IKBKB: variants seen among roughly 807,000 people sequenced by gnomAD.
The protein encoded by IKBKB is inhibitor of nuclear factor kappa B kinase subunit beta.
Under a neutral mutation model 113.6 loss-of-function variants are expected in IKBKB, and 42 were observed. That is an observed-to-expected ratio of 0.37 (90% CI 0.29 to 0.48). IKBKB has a LOEUF of 0.48. Ranked by LOEUF, IKBKB falls within the 20% of genes least tolerant of loss-of-function variation. IKBKB has a pLI of 0.99. For missense variants in IKBKB, 673 were observed against 939.7 expected (o/e 0.72, Z 3.71); for synonymous variants, 296 against 361.3 (o/e 0.82, Z 2.05).
At chr8:42,308,814 G>A in intron 7 of IKBKB, 87 bp from the exon 8 acceptor site, 4 of 1,326,950 alleles carry the variant, frequency 3.0e-6, no homozygotes, top group Non-Finnish European at 3.2e-6. Flanking sequence ...TGAAGCCAGG[G>A]GTGAAAGCAG....
intron 11 of IKBKB, 101 bp downstream of exon 11, chr8:42,317,005 T>C (rs758930535): frequency 2.6e-6 from 3 of 1,136,764 alleles, no homozygotes; most frequent in Non-Finnish European, 3.9e-6. Flanking sequence ...TCATGTAGTC[T>C]GTTAATCACA....
At chr8:42,284,981 C>T (rs1418086708) in intron 2 of IKBKB, among the ~76,000 whole-genome samples, 6 of 151,268 alleles carry the variant, frequency 4.0e-5, no homozygotes, top group South Asian at 2.1e-4. Context: ...CTCAGTCTCC[C>T]GAGTAGCTAG....
intron 5 of IKBKB, among the ~76,000 whole-genome samples, chr8:42,295,821 A>G (rs546265338): frequency 2.7e-4 from 41 of 152,072 alleles, no homozygotes; most frequent in Admixed American, 7.2e-4. Context: ...TATTCACAGA[A>G]CCTCTCTGGT....
rs1347796965 is a variant in IKBKB, at chr8:42,318,978, CT to C, written c.1365-291del. 5.6e-6 allele frequency: 3 copies of C among 537,756 alleles called. No homozygotes were observed. In the African/African-American group the frequency reaches 5.7e-5, roughly 10 times the overall value. 33.3% of individuals were successfully genotyped at this position (537,756 alleles called of 1,614,324 possible). On this transcript the variant is annotated intron_variant, in intron 13 of 21. Transcript: ENST00000520810. The stretch of plus-strand genomic sequence containing the variant: ...TACCATGTGGATTAGCAAAACTCCC[CT>C]GACCGTGCTGCTGGGGACTTACGGA...
chr8:42,331,691 T>A lies in IKBKB; in HGVS notation c.*712T>A. The A allele has an allele frequency of 2.1e-6, 1 of 467,460 alleles. No homozygotes were observed. Among genetic ancestry groups the A allele is most frequent in the Non-Finnish European group, 3.9e-6 (1 of 256,152 alleles). The allele number at this position is 467,460 out of a possible 1,614,324, so 29.0% of individuals were successfully genotyped here. ...TGTGGTCCTTTCTGCCAAGAGCGACTCATAGTAACCAGGATGGGAGAGCAG... is the reference window on the plus strand; with the variant it reads ...TGTGGTCCTTTCTGCCAAGAGCGACACATAGTAACCAGGATGGGAGAGCAG... On this transcript the variant is annotated 3_prime_UTR_variant, in exon 22 of 22. Coordinates refer to ENST00000520810, the MANE Select transcript of IKBKB (RefSeq NM_001556.3).
intron 5 of IKBKB, among the ~76,000 whole-genome samples, chr8:42,301,780 C>T (rs764413983): frequency 3.3e-5 from 5 of 152,196 alleles, no homozygotes; most frequent in Non-Finnish European, 7.3e-5. Flanking sequence ...CTCTAATCCA[C>T]GTGGCGTAGA....
chr8:42,294,922 CTG>C (rs368864341), intron 5 of IKBKB, among the ~76,000 whole-genome samples: 24 of 152,218 alleles, frequency 1.6e-4, no homozygotes, highest in African/African-American at 2.9e-4. Flanking sequence ...CATTTGTTCT[CTG>C]TTGAATTGGG....
Position 42,319,407 on chromosome 8 carries a change from C to T in IKBKB, c.1502C>T (p.Thr501Ile), listed in dbSNP as rs1233879430. The change falls in exon 14 of 22, where the codon ACC becomes ATC. Residue 501 changes from threonine to isoleucine, a missense_variant. Around this residue, in one of 2 missense-constraint regions of IKBKB, gnomAD observed 506 missense variants for 638.7 expected, o/e 0.79. Transcript: ENST00000520810. ...GACCTGGAGAAGTACAGCGAGCAAA[C>T]CGAGTTTGGGATCAGTGAGTGTGCA... ...QIDLEKYSEQ[T>I]EFGITSDKLL... 1 of 1,614,150 alleles carries T rather than the reference C, an allele frequency of 6.2e-7. No homozygotes were observed. Among genetic ancestry groups the T allele is most frequent in the Non-Finnish European group, 8.5e-7 (1 of 1,180,018 alleles).
chr8:42,298,529 T>C, intron 5 of IKBKB: 1 of 948,632 alleles, frequency 1.1e-6, no homozygotes, highest in South Asian at 4.9e-5. Context: ...ACTGGTTCCA[T>C]TGCATGCATC....
chr8:42,280,936 T>C (rs895738489), intron 2 of IKBKB, among the ~76,000 whole-genome samples: 25 of 152,166 alleles, frequency 1.6e-4, no homozygotes, highest in African/African-American at 6.0e-4. Flanking sequence ...TAGGGATTTA[T>C]AGAGCCTGGG....
intron 19 of IKBKB, among the ~76,000 whole-genome samples, chr8:42,324,323 T>C (rs1820319507): frequency 6.6e-6 from 1 of 152,170 alleles, no homozygotes; most frequent in Non-Finnish European, 1.5e-5. Flanking sequence ...GAAGTGCAGC[T>C]GCTCAATCTC....
chr8:42,323,277 G>T (rs999886564), intron 19 of IKBKB, among the ~76,000 whole-genome samples: 8 of 152,246 alleles, frequency 5.3e-5, no homozygotes, highest in South Asian at 2.1e-4. Flanking sequence ...CACCAATTCA[G>T]CCCACCGTCA....
Position 42,331,609 on chromosome 8 carries a change from T to C in IKBKB, c.*630T>C. On this transcript the variant is annotated 3_prime_UTR_variant, in exon 22 of 22. Transcript: ENST00000520810. The stretch of plus-strand genomic sequence containing the variant: ...CTGCTAAAATTGTGTTTTTACCTAC[T>C]ACTTTGGTGGTTGTCCTCTTTTCGG... 1 of 586,246 alleles carries C rather than the reference T, an allele frequency of 1.7e-6. No individual in the cohort carries two copies. Among genetic ancestry groups the C allele is most frequent in the Non-Finnish European group, 3.0e-6 (1 of 328,932 alleles). 36.3% of individuals were successfully genotyped at this position (586,246 alleles called of 1,614,324 possible).
rs1563290444 is a variant in IKBKB, at chr8:42,274,784, G to GCCACCCCCCCCC, written c.105+2580_105+2581insCACCCCCCCCCC. Among the ~76,000 whole-genome samples the GCCACCCCCCCCC allele has an allele frequency of 7.2e-5, 3 of 41,648 alleles. 1 individual carries two copies. Among genetic ancestry groups the GCCACCCCCCCCC allele is most frequent in the Non-Finnish European group, 1.9e-4 (2 of 10,546 alleles). 27.3% of individuals were successfully genotyped at this position (41,648 alleles called of 152,430 possible). ...CTGAACTTAGGTGATCCCCGCCGGCGCGCCCCCCCCCCCCCCCGCCATCCC... is the reference window on the plus strand; with the variant it reads ...CTGAACTTAGGTGATCCCCGCCGGCGCCACCCCCCCCCCGCCCCCCCCCCCCCCCGCCATCCC... On this transcript the variant is annotated intron_variant, in intron 2 of 21. Coordinates refer to ENST00000520810, the MANE Select transcript of IKBKB (RefSeq NM_001556.3).
At chr8:42,300,156 T>G (rs1814874767) in intron 5 of IKBKB, among the ~76,000 whole-genome samples, 1 of 152,244 alleles carries the variant, frequency 6.6e-6, no homozygotes, top group East Asian at 1.9e-4. Flanking sequence ...TTTAGCCAAG[T>G]AACCTTTAGC....
chr8:42,290,680 A>G (rs892911077), intron 4 of IKBKB, among the ~76,000 whole-genome samples: 2 of 152,060 alleles, frequency 1.3e-5, no homozygotes, highest in African/African-American at 4.8e-5. Flanking sequence ...TATTCTAGAG[A>G]TGGGACAGCA....
At position 42,288,613 on chromosome 8, in the gene IKBKB, C is replaced by T. The variant is rs147272047; in HGVS notation, c.106-21C>T. The T allele has an allele frequency of 2.5e-4, 399 of 1,592,984 alleles. No individual in the cohort carries two copies. The African/African-American group carries it at 4.8e-3, about 19-fold the overall frequency. ...TGGCCTGCAGCTCGCTCTGCTGGTC[C>T]CCACTGTGCTGTTTCTGTAGGAAAC... is the stretch of plus-strand genomic sequence containing the variant. On this transcript the variant is annotated intron_variant, in intron 2 of 21. Coordinates refer to ENST00000520810, the MANE Select transcript of IKBKB (RefSeq NM_001556.3).
intron 8 of IKBKB, 94 bp from the exon 9 acceptor site, chr8:42,314,226 TCA>T: frequency 1.1e-6 from 1 of 877,948 alleles, no homozygotes; most frequent in Non-Finnish European, 1.9e-6. Flanking sequence ...TGTGTTATGT[TCA>T]CACAAGGACT....
intron 11 of IKBKB, 158 bp downstream of exon 11, chr8:42,317,062 T>G (rs1818825375): frequency 2.8e-6 from 2 of 726,014 alleles, no homozygotes; most frequent in Non-Finnish European, 4.9e-6. Flanking sequence ...TGGTGTCCTC[T>G]GTGTGGCCTG....
Sources: allele counts gnomAD v4.1 joint callset (sites outside exome capture counted in the v4.1 genomes callset), GRCh38; gene constraint gnomAD v4.1.1; regional missense constraint gnomAD v4.1.1; transcripts MANE v1.5; gene names NCBI Gene and HGNC (gene_info 2026-07-23, HGNC 2026-07-21).